The following SPATS2 variants were observed in gnomAD, a reference collection of about 807,000 sequenced individuals.
SPATS2 encodes the protein spermatogenesis associated serine rich 2.
Under a neutral mutation model 63.7 loss-of-function variants are expected in SPATS2, and 38 were observed. The ratio of observed to expected loss-of-function variants is 0.60; its 90% CI spans 0.46 to 0.78. SPATS2 has a LOEUF of 0.78. Among genes scored for constraint, SPATS2 ranks in the 30% least tolerant of loss-of-function variants. The pLI, the probability that SPATS2 is intolerant of heterozygous loss-of-function variation, is 0.00. For synonymous variants in SPATS2, 207 were observed against 232.9 expected (o/e 0.89, Z 1.01); for missense variants, 588 against 666.2 (o/e 0.88, Z 1.29).
intron 12 of SPATS2, 60 bp from the exon 13 acceptor site, chr12:49,524,622 A>T: frequency 6.5e-7 from 1 of 1,535,434 alleles, no homozygotes; most frequent in Non-Finnish European, 9.0e-7. Flanking sequence ...AGAAAGTAGA[A>T]ACCTTATCCA....
intron 2 of SPATS2, among the ~76,000 whole-genome samples, chr12:49,457,823 CT>C (rs1046746282): frequency 6.6e-6 from 1 of 152,060 alleles, no homozygotes; most frequent in Non-Finnish European, 1.5e-5. Flanking sequence ...GAGTTCTGTT[CT>C]TTTTTCTAAA....
chr12:49,375,617 A>G (rs1012758833), intron 2 of SPATS2, among the ~76,000 whole-genome samples: 1 of 152,204 alleles, frequency 6.6e-6, no homozygotes, highest in Non-Finnish European at 1.5e-5. Flanking sequence ...ACATTTTTAT[A>G]GTAAATTGCT....
intron 3 of SPATS2, among the ~76,000 whole-genome samples, chr12:49,465,868 C>T (rs542014116): frequency 6.6e-6 from 1 of 152,042 alleles, no homozygotes; most frequent in South Asian, 2.1e-4. Flanking sequence ...CACTTGAACC[C>T]GGGAGGCGGA....
chr12:49,421,869 A>C (rs1365029654), intron 2 of SPATS2, among the ~76,000 whole-genome samples: 2 of 152,232 alleles, frequency 1.3e-5, no homozygotes, highest in African/African-American at 2.4e-5. Context: ...CCTGTAAGCT[A>C]TCCAGTGCCT....
intron 13 of SPATS2, 78 bp downstream of exon 13, chr12:49,524,974 A>G (rs1947008429): frequency 7.9e-6 from 11 of 1,388,148 alleles, no homozygotes; most frequent in Admixed American, 3.8e-5. Context: ...TTAGCTCAGT[A>G]TATTATCTTC....
intron 3 of SPATS2, chr12:49,462,262 C>A (rs1394513240): frequency 1.4e-6 from 1 of 702,064 alleles, no homozygotes; most frequent in Non-Finnish European, 2.6e-6. Context: ...CTGCCTCTCT[C>A]AACTCCTCAC....
chr12:49,480,965 A>G lies in SPATS2; in HGVS notation c.26-3625A>G, dbSNP rs573362870. ...TTGTCAAGACACCTGTTCAAGGTTGATTTAATACATGGAATAATCAGGCTC... is the reference window on the plus strand; with the variant it reads ...TTGTCAAGACACCTGTTCAAGGTTGGTTTAATACATGGAATAATCAGGCTC... On this transcript the variant is annotated intron_variant, in intron 3 of 13. Coordinates refer to ENST00000552918, the MANE Select transcript of SPATS2 (RefSeq NM_023071.4). Among the ~76,000 whole-genome samples the G allele has an allele frequency of 2.0e-4, 30 of 152,288 alleles. 1 individual carries two copies. The South Asian group carries it at 6.0e-3, about 30-fold the overall frequency.
rs1460665317 is a variant in SPATS2, at chr12:49,460,326, C to T, written c.-243-444C>T. On this transcript the variant is annotated intron_variant, in intron 2 of 13. Coordinates refer to ENST00000552918, the MANE Select transcript of SPATS2 (RefSeq NM_023071.4). ...AAAATTAGCTGGGCGTGGTGGTGCA[C>T]GCCTGTAGTCCCAGCTACTCGGGAG... 2.6e-5 allele frequency among the ~76,000 whole-genome samples: 4 copies of T among 151,794 alleles called. No homozygotes were observed. In the South Asian group the frequency reaches 6.2e-4, roughly 24 times the overall value.
At chr12:49,482,790 G>GT in intron 3 of SPATS2, among the ~76,000 whole-genome samples, 1 of 151,918 alleles carries the variant, frequency 6.6e-6, no homozygotes, top group Admixed American at 6.6e-5. Context: ...ACTACCCTTT[G>GT]TTTTTTGTTT....
chr12:49,436,954 G>T (rs1359040516), intron 2 of SPATS2, among the ~76,000 whole-genome samples: 23 of 147,308 alleles, frequency 1.6e-4, no homozygotes, highest in African/African-American at 5.8e-4. Flanking sequence ...TGGCCGGGCA[G>T]GGGGCTAACC....
chr12:49,510,154 C>T (rs2138014669), intron 9 of SPATS2, among the ~76,000 whole-genome samples: 1 of 150,952 alleles, frequency 6.6e-6, no homozygotes, highest in Middle Eastern at 3.4e-3. Flanking sequence ...ATCCTAGCTA[C>T]TCAGGAAGCT....
chr12:49,524,247 T>C (rs973770051), intron 12 of SPATS2, among the ~76,000 whole-genome samples: 3 of 152,230 alleles, frequency 2.0e-5, no homozygotes, highest in Admixed American at 2.0e-4. Context: ...AAAAAGAATT[T>C]AGTAAAGATT....
chr12:49,481,457 C>T (rs960778277), intron 3 of SPATS2, among the ~76,000 whole-genome samples: 8 of 137,396 alleles, frequency 5.8e-5, no homozygotes, highest in Non-Finnish European at 1.2e-4. Flanking sequence ...AAGGCTTCCT[C>T]ATTTTTTTTT....
chr12:49,376,636 G>A (rs1397417331), intron 2 of SPATS2, among the ~76,000 whole-genome samples: 2 of 151,228 alleles, frequency 1.3e-5, no homozygotes, highest in Non-Finnish European at 2.9e-5. Context: ...GCCTCAAGCA[G>A]TCCATTGGCT....
intron 9 of SPATS2, among the ~76,000 whole-genome samples, chr12:49,507,322 TG>T (rs1946670608): frequency 6.6e-6 from 1 of 152,096 alleles, no homozygotes; most frequent in Admixed American, 6.6e-5. Context: ...GTATTTACAC[TG>T]GCGGAAAGGT....
At chr12:49,390,110 G>A (rs1374041477) in intron 2 of SPATS2, 6 of 1,498,178 alleles carry the variant, frequency 4.0e-6, no homozygotes, top group Non-Finnish European at 4.6e-6. Flanking sequence ...GTGTCGGAAA[G>A]TACTTCTTTG....
intron 12 of SPATS2, among the ~76,000 whole-genome samples, chr12:49,523,827 C>T (rs183500376): frequency 2.2e-4 from 33 of 152,148 alleles, no homozygotes; most frequent in African/African-American, 7.9e-4. Context: ...TGGTGGGTGC[C>T]TGTAGTCCCA....
At chr12:49,497,317 G>A (rs999974144) in intron 8 of SPATS2, among the ~76,000 whole-genome samples, 2 of 151,364 alleles carry the variant, frequency 1.3e-5, no homozygotes, top group African/African-American at 2.4e-5. Flanking sequence ...TTATTGCAAC[G>A]TTTTGGTGCT....
At chr12:49,494,357 A>C (rs139849087) in intron 6 of SPATS2, among the ~76,000 whole-genome samples, 1 of 152,188 alleles carries the variant, frequency 6.6e-6, no homozygotes, top group Admixed American at 6.5e-5. Flanking sequence ...ATATCATTCT[A>C]TATGCTTATA....
Sources: gnomAD v4.1 joint callset for allele counts (sites outside exome capture counted in the v4.1 genomes callset) on GRCh38, gnomAD v4.1.1 for gene constraint, MANE v1.5 for transcripts, NCBI Gene and HGNC (gene_info 2026-07-23, HGNC 2026-07-21) for gene names.